PALM2AKAP2: variants seen among roughly 807,000 people sequenced by gnomAD.
The protein encoded by PALM2AKAP2 is PALM2-AKAP2 fusion protein.
Under a neutral mutation model 71.5 loss-of-function variants are expected in PALM2AKAP2, and 37 were observed. That is an observed-to-expected ratio of 0.52 (90% CI 0.40 to 0.68). The LOEUF (loss-of-function observed/expected upper bound fraction) is 0.68, where lower values mean the gene tolerates loss of function less well. Ranked by LOEUF, PALM2AKAP2 falls within the 30% of genes least tolerant of loss-of-function variation. The pLI is 0.00. For synonymous variants in PALM2AKAP2, 468 were observed against 478.8 expected, an observed-to-expected ratio of 0.98 and a Z score of 0.29; for missense variants, 1,224 against 1,191.8, an observed-to-expected ratio of 1.03 and a Z score of -0.40.
At chr9:110,092,239 G>A (rs1487975904) in intron 1 of PALM2AKAP2, among the ~76,000 whole-genome samples, 1 of 152,176 alleles carries the variant, frequency 6.6e-6, no homozygotes, top group Non-Finnish European at 1.5e-5. Context: ...GGCTGAGGCA[G>A]GAGAATTACA....
chr9:109,922,421 CAAAAAAAAAAAAAAAAAAAAAAAA>C (rs398011831), intron 3 of PALM2AKAP2, among the ~76,000 whole-genome samples: 2 of 19,238 alleles, frequency 1.0e-4, no homozygotes, highest in South Asian at 3.5e-3. Context: ...GACTCTATCT[CAAAAAAAAAAAAAAAAAAAAAAAA>C]AAAAAAAAAA....
intron 1 of PALM2AKAP2, among the ~76,000 whole-genome samples, chr9:110,116,860 AGTTTT>A (rs1835374344): frequency 6.6e-6 from 1 of 152,228 alleles, no homozygotes; most frequent in Non-Finnish European, 1.5e-5. Flanking sequence ...GAGATGGCCA[AGTTTT>A]GGTACACATT....
intron 1 of PALM2AKAP2, among the ~76,000 whole-genome samples, chr9:110,097,476 C>G (rs1834878142): frequency 6.6e-6 from 1 of 151,960 alleles, no homozygotes; most frequent in East Asian, 1.9e-4. Flanking sequence ...GGTACACCTC[C>G]CAGACGGGGT....
At chr9:110,031,171 G>A (rs1272949170) in intron 7 of PALM2AKAP2, among the ~76,000 whole-genome samples, 4 of 152,158 alleles carry the variant, frequency 2.6e-5, no homozygotes, top group Non-Finnish European at 4.4e-5. Flanking sequence ...TGCCCAGGCT[G>A]GAGTGCAGTG....
At chr9:109,949,249 A>G (rs1831581313) in intron 6 of PALM2AKAP2, among the ~76,000 whole-genome samples, 1 of 152,154 alleles carries the variant, frequency 6.6e-6, no homozygotes, top group Admixed American at 6.5e-5. Flanking sequence ...GTCTCCTCAC[A>G]GTCCTTCCCA....
At chr9:109,975,047 T>C (rs548009611) in intron 6 of PALM2AKAP2, among the ~76,000 whole-genome samples, 19 of 150,674 alleles carry the variant, frequency 1.3e-4, no homozygotes, top group African/African-American at 4.4e-4. Context: ...CAAATATATA[T>C]GTATCTGCAC....
intron 6 of PALM2AKAP2, chr9:109,943,692 A>G (rs1831431924): frequency 4.7e-6 from 2 of 422,988 alleles, no homozygotes; most frequent in African/African-American, 4.0e-5. Flanking sequence ...TTCCTGCTCG[A>G]TTGGAATGGA....
intron 1 of PALM2AKAP2, among the ~76,000 whole-genome samples, chr9:109,703,246 GT>G (rs1419559973): frequency 6.6e-6 from 1 of 152,146 alleles, no homozygotes; most frequent in Admixed American, 6.5e-5. Flanking sequence ...CCAGTAAAAT[GT>G]ATTCAGCATG....
chr9:110,038,069 G>A (rs1833444262), intron 7 of PALM2AKAP2, among the ~76,000 whole-genome samples: 3 of 152,166 alleles, frequency 2.0e-5, no homozygotes, highest in Non-Finnish European at 2.9e-5. Context: ...GGGCACAGTC[G>A]CTCATGCCTA....
chr9:109,950,018 C>T (rs1440410906), intron 6 of PALM2AKAP2, among the ~76,000 whole-genome samples: 1 of 152,124 alleles, frequency 6.6e-6, no homozygotes, highest in African/African-American at 2.4e-5. Flanking sequence ...GACGAGGTGG[C>T]TTATGCCTGT....
At position 109,933,442 on chromosome 9, in the gene PALM2AKAP2, G is replaced by C. The variant is rs77088491; in HGVS notation, c.496+1414G>C. On this transcript the variant is annotated intron_variant, in intron 6 of 9. Coordinates refer to the PALM2AKAP2 transcript ENST00000302798. ...CTGCACAAGTTCCTGCACTTCAAAG[G>C]ACACAGGATATGATCCAACATATGG... is the stretch of plus-strand genomic sequence containing the variant. 6.5e-3 allele frequency among the ~76,000 whole-genome samples: 995 copies of C among 152,296 alleles called. 10 individuals are homozygous for C. The highest frequency in any genetic ancestry group is 0.023 in the African/African-American group (948 of 41,562).
intron 4 of PALM2AKAP2, 88 bp downstream of exon 4, chr9:109,923,937 G>A (rs1333814508): frequency 3.1e-6 from 4 of 1,305,582 alleles, no homozygotes; most frequent in Non-Finnish European, 4.1e-6. Context: ...ACAGGCCAGT[G>A]GGCATTGATG....
intron 1 of PALM2AKAP2, among the ~76,000 whole-genome samples, chr9:109,742,110 A>G (rs543637970): frequency 5.3e-4 from 80 of 152,318 alleles, no homozygotes; most frequent in South Asian, 1.5e-3. Context: ...GGCAAACCAT[A>G]ATCAATGAAA....
At chr9:110,051,707 A>G (rs1420981689) in intron 1 of PALM2AKAP2, among the ~76,000 whole-genome samples, 1 of 152,212 alleles carries the variant, frequency 6.6e-6, no homozygotes, top group Non-Finnish European at 1.5e-5. Flanking sequence ...AGCTTTATAC[A>G]TGACTCAACG....
chr9:109,923,171 G>A (rs1472776744), intron 3 of PALM2AKAP2, among the ~76,000 whole-genome samples: 1 of 152,154 alleles, frequency 6.6e-6, no homozygotes, highest in Non-Finnish European at 1.5e-5. Context: ...ATTGAGGAAA[G>A]TTCCAAAAGG....
chr9:110,079,997 G>T (rs759579057), intron 1 of PALM2AKAP2, among the ~76,000 whole-genome samples: 35 of 150,752 alleles, frequency 2.3e-4, no homozygotes, highest in Non-Finnish European at 4.4e-4. Flanking sequence ...TTGAACCGGG[G>T]AGGTGGAGGT....
At chr9:110,112,232 A>G (rs1835268745) in intron 1 of PALM2AKAP2, among the ~76,000 whole-genome samples, 1 of 151,566 alleles carries the variant, frequency 6.6e-6, no homozygotes, top group Admixed American at 6.6e-5. Flanking sequence ...TCTTAGATTC[A>G]GTGAGCCATG....
chr9:109,925,407 C>G (rs1830935129), intron 5 of PALM2AKAP2, among the ~76,000 whole-genome samples: 1 of 152,008 alleles, frequency 6.6e-6, no homozygotes, highest in African/African-American at 2.4e-5. Flanking sequence ...AGGACCTGGT[C>G]CCTTGTAGGG....
At chr9:109,998,764 C>CAAAA (rs766171217) in intron 6 of PALM2AKAP2, among the ~76,000 whole-genome samples, 1 of 70,804 alleles carries the variant, frequency 1.4e-5, no homozygotes, top group African/African-American at 5.6e-5. Context: ...GACCCTGTCG[C>CAAAA]AAAAAAAAAA....
Sources: gnomAD v4.1 joint callset for allele counts (sites outside exome capture counted in the v4.1 genomes callset) on GRCh38, gnomAD v4.1.1 for gene constraint, MANE v1.5 for transcripts, NCBI Gene and HGNC (gene_info 2026-07-23, HGNC 2026-07-21) for gene names.